PXDNL: variants seen among roughly 807,000 people sequenced by gnomAD.
PXDNL encodes the protein peroxidasin like, also known as probable oxidoreductase PXDNL.
In PXDNL, 145 loss-of-function variants were observed where a neutral mutation model predicts 150.8. The observed-to-expected ratio is 0.96, with a 90% CI of 0.84 to 1.10. The LOEUF is 1.10. Ranked by LOEUF, PXDNL falls within the 50% of genes least tolerant of loss-of-function variation. PXDNL has a pLI of 0.00. For missense variants in PXDNL, 2,087 were observed against 1,873.9 expected (o/e 1.11, Z -2.10); for synonymous variants, 757 against 725.7 (o/e 1.04, Z -0.69).
At chr8:51,721,858 G>T in intron 1 of PXDNL, 1 of 270,068 alleles carries the variant, frequency 3.7e-6, no homozygotes, top group Non-Finnish European at 7.5e-6. Context: ...TAAACCAGCT[G>T]GTAGCATTTC....
intron 19 of PXDNL, among the ~76,000 whole-genome samples, chr8:51,362,962 T>A (rs1293779878): frequency 6.6e-6 from 1 of 152,222 alleles, no homozygotes; most frequent in Non-Finnish European, 1.5e-5. Flanking sequence ...ACTGTGAGCT[T>A]ACGGTTTGGT....
At chr8:51,432,867 C>T (rs988581017) in intron 12 of PXDNL, among the ~76,000 whole-genome samples, 1 of 152,148 alleles carries the variant, frequency 6.6e-6, no homozygotes, top group African/African-American at 2.4e-5. Flanking sequence ...AAGGCTAGGA[C>T]CTTCCATTAC....
At chr8:51,617,116 G>A (rs1229712034) in intron 2 of PXDNL, among the ~76,000 whole-genome samples, 4 of 152,162 alleles carry the variant, frequency 2.6e-5, no homozygotes, top group Admixed American at 6.5e-5. Context: ...GAGTCCTGGC[G>A]AAGCTTGAGA....
intron 4 of PXDNL, among the ~76,000 whole-genome samples, chr8:51,542,471 C>T (rs532813525): frequency 6.8e-6 from 1 of 147,690 alleles, no homozygotes; most frequent in Non-Finnish European, 1.5e-5. Context: ...GGGTAGGGTC[C>T]TTGTGATGGA....
chr8:51,666,803 T>A (rs910686615), intron 1 of PXDNL, among the ~76,000 whole-genome samples: 2 of 152,190 alleles, frequency 1.3e-5, no homozygotes, highest in Non-Finnish European at 2.9e-5. Context: ...ATGCCCCTCT[T>A]GCATGCAGCT....
At chr8:51,370,843 C>T (rs1807085751) in intron 19 of PXDNL, among the ~76,000 whole-genome samples, 1 of 152,242 alleles carries the variant, frequency 6.6e-6, no homozygotes, top group Non-Finnish European at 1.5e-5. Flanking sequence ...ACAATCCACC[C>T]ACCTTGGCTT....
At chr8:51,362,077 G>T (rs1416757120) in intron 19 of PXDNL, among the ~76,000 whole-genome samples, 1 of 151,036 alleles carries the variant, frequency 6.6e-6, no homozygotes, top group Non-Finnish European at 1.5e-5. Flanking sequence ...TTTTTTAAAA[G>T]AGACTTTTTA....
chr8:51,336,842 T>C (rs967429681), intron 21 of PXDNL, among the ~76,000 whole-genome samples: 2 of 152,220 alleles, frequency 1.3e-5, no homozygotes, highest in Admixed American at 1.3e-4. Context: ...AGCCTGGTCA[T>C]AGCTTGAGTA....
intron 1 of PXDNL, among the ~76,000 whole-genome samples, chr8:51,703,597 G>A (rs1168504690): frequency 6.6e-6 from 1 of 152,032 alleles, no homozygotes; most frequent in Non-Finnish European, 1.5e-5. Context: ...CCTGCATCTG[G>A]TATGCTTGAT....
chr8:51,750,694 C>T (rs1413605311), intron 1 of PXDNL, among the ~76,000 whole-genome samples: 3 of 152,216 alleles, frequency 2.0e-5, no homozygotes, highest in African/African-American at 7.2e-5. Flanking sequence ...TTATTTACTA[C>T]CCTACCAGTT....
At position 51,382,806 on chromosome 8, in the gene PXDNL, A is replaced by C. The variant is rs571065893; in HGVS notation, c.3558-8075T>G. 4.6e-5 allele frequency among the ~76,000 whole-genome samples: 7 copies of C among 152,358 alleles called. No individual in the cohort carries two copies. The East Asian group carries it at 1.4e-3, about 29-fold the overall frequency. On this transcript the variant is annotated intron_variant, in intron 17 of 22. Transcript: ENST00000356297. ...GTTACATAGGGTCAGATTTATGTCT[A>C]TGAACTATAAGAGTCCAGAAAAAAA...
At chr8:51,427,543 C>T (rs1340544170) in intron 12 of PXDNL, among the ~76,000 whole-genome samples, 1 of 152,106 alleles carries the variant, frequency 6.6e-6, no homozygotes, top group Non-Finnish European at 1.5e-5. Flanking sequence ...AAGGTTTATA[C>T]ACCATGAGCA....
chr8:51,638,648 T>G (rs1814665317), intron 2 of PXDNL, among the ~76,000 whole-genome samples: 1 of 152,164 alleles, frequency 6.6e-6, no homozygotes, highest in Non-Finnish European at 1.5e-5. Flanking sequence ...CAAGAAGAGC[T>G]AACTATCCTA....
At chr8:51,697,188 C>T (rs956730017) in intron 1 of PXDNL, among the ~76,000 whole-genome samples, 1 of 151,626 alleles carries the variant, frequency 6.6e-6, no homozygotes, top group African/African-American at 2.4e-5. Flanking sequence ...CCTGTAATTC[C>T]AGCTACTTAG....
intron 20 of PXDNL, chr8:51,340,243 G>C (rs1219677): frequency 0.22 from 33,576 of 152,032 alleles, 3,859 homozygotes; most frequent in Middle Eastern, 0.3. Flanking sequence ...CCTTTAACCT[G>C]ATGCAAAATA....
chr8:51,500,198 G>A (rs1014861123), intron 4 of PXDNL, among the ~76,000 whole-genome samples: 4 of 152,172 alleles, frequency 2.6e-5, no homozygotes, highest in African/African-American at 4.8e-5. Flanking sequence ...CCTGTCTGAC[G>A]GAGTCAAAGT....
At chr8:51,735,526 G>GTTTTTTTTTTTT (rs777986365) in intron 1 of PXDNL, among the ~76,000 whole-genome samples, 1 of 41,108 alleles carries the variant, frequency 2.4e-5, no homozygotes, top group African/African-American at 5.2e-5. Flanking sequence ...ATTAAAAATT[G>GTTTTTTTTTTTT]TTTTTTTTTT....
chr8:51,494,443 T>G (rs1031078842), intron 5 of PXDNL, among the ~76,000 whole-genome samples: 1 of 151,818 alleles, frequency 6.6e-6, no homozygotes, highest in Non-Finnish European at 1.5e-5. Context: ...TAACCTTAAA[T>G]GTAAATGGGC....
chr8:51,580,899 G>A (rs1813196541), intron 3 of PXDNL, among the ~76,000 whole-genome samples: 1 of 151,870 alleles, frequency 6.6e-6, no homozygotes, highest in South Asian at 2.1e-4. Flanking sequence ...CATAATAGAA[G>A]GCAAACTCCA....
Sources: allele counts gnomAD v4.1 joint callset (sites outside exome capture counted in the v4.1 genomes callset), GRCh38; gene constraint gnomAD v4.1.1; transcripts MANE v1.5; gene names NCBI Gene and HGNC (gene_info 2026-07-23, HGNC 2026-07-21).